The following PAX2 variants were observed in gnomAD, a reference collection of about 807,000 sequenced individuals.
PAX2 encodes the protein paired box 2, also known as paired box protein Pax-2.
A neutral mutation model predicts 41.7 loss-of-function variants in PAX2; 9 were observed. The ratio of observed to expected loss-of-function variants is 0.22; its 90% CI spans 0.13 to 0.38. PAX2 has a LOEUF of 0.38. Ranked by LOEUF, PAX2 falls within the 10% of genes least tolerant of loss-of-function variation. PAX2 has a pLI of 1.00. For missense variants in PAX2, 418 were observed against 531.6 expected, an observed-to-expected ratio of 0.79 and a Z score of 2.10; for synonymous variants, 221 against 212.7, an observed-to-expected ratio of 1.04 and a Z score of -0.34.
intron 5 of PAX2, among the ~76,000 whole-genome samples, chr10:100,789,847 T>C (rs538301787): frequency 9.2e-5 from 14 of 152,338 alleles, no homozygotes; most frequent in Admixed American, 7.8e-4. Context: ...CTGGGTAGAG[T>C]TGGCCGTGAG....
intron 7 of PAX2, among the ~76,000 whole-genome samples, chr10:100,823,625 G>A (rs1351755420): frequency 6.6e-6 from 1 of 152,188 alleles, no homozygotes; most frequent in Non-Finnish European, 1.5e-5. Context: ...TGGCTAGTGA[G>A]GAGAATAAGG....
intron 5 of PAX2, among the ~76,000 whole-genome samples, chr10:100,804,302 A>G (rs1180404152): frequency 1.3e-5 from 2 of 152,064 alleles, no homozygotes; most frequent in Non-Finnish European, 1.5e-5. Flanking sequence ...ACACAGACAC[A>G]GTGAGCCAAG....
chr10:100,742,115 C>T (rs1480468630), upstream of PAX2, among the ~76,000 whole-genome samples: 3 of 152,028 alleles, frequency 2.0e-5, no homozygotes, highest in African/African-American at 7.2e-5. Context: ...GGAGAGGCAA[C>T]CACGCTTCTG....
intron 3 of PAX2, among the ~76,000 whole-genome samples, chr10:100,774,615 C>G (rs1846320827): frequency 6.6e-6 from 1 of 152,136 alleles, no homozygotes; most frequent in Admixed American, 6.5e-5. Flanking sequence ...GCCTAGGGGT[C>G]ACCCATAGGA....
intron 1 of PAX2, chr10:100,747,790 C>T (rs1276001286): frequency 1.0e-6 from 1 of 984,926 alleles, no homozygotes; most frequent in Non-Finnish European, 1.2e-6. Flanking sequence ...CGGAAAGCCT[C>T]GGTCCTTTTC....
intron 3 of PAX2, among the ~76,000 whole-genome samples, chr10:100,773,910 C>T (rs948769624): frequency 6.6e-6 from 1 of 152,176 alleles, no homozygotes; most frequent in Non-Finnish European, 1.5e-5. Context: ...AGCCTGCACC[C>T]CAGCCTTGCC....
chr10:100,773,376 G>A (rs1846278777), intron 3 of PAX2, among the ~76,000 whole-genome samples: 1 of 152,266 alleles, frequency 6.6e-6, no homozygotes, highest in South Asian at 2.1e-4. Context: ...TCCTCCCAAG[G>A]TGAGCTGTCT....
intron 5 of PAX2, among the ~76,000 whole-genome samples, chr10:100,793,579 G>T (rs1321484878): frequency 6.6e-6 from 1 of 152,222 alleles, no homozygotes; most frequent in Non-Finnish European, 1.5e-5. Flanking sequence ...TATTCAAAGT[G>T]AGGAAAGTAA....
At chr10:100,735,742 G>C (rs933208347) in intron 1 of PAX2, 32 of 1,041,622 alleles carry the variant, frequency 3.1e-5, no homozygotes, top group Non-Finnish European at 3.1e-5. Flanking sequence ...AGGTAAGAGC[G>C]GCAGAGACCC....
chr10:100,749,652 C>T, intron 1 of PAX2, 94 bp from the exon 2 acceptor site: 1 of 1,534,854 alleles, frequency 6.5e-7, no homozygotes. Flanking sequence ...TCCGCCCTGC[C>T]TGCTTCCTTC....
At chr10:100,789,621 T>G (rs1847018988) in intron 5 of PAX2, among the ~76,000 whole-genome samples, 1 of 152,156 alleles carries the variant, frequency 6.6e-6, no homozygotes, top group South Asian at 2.1e-4. Context: ...ATTTTCCAAC[T>G]CATACCCAAA....
At chr10:100,765,774 C>T (rs939795340) in intron 3 of PAX2, among the ~76,000 whole-genome samples, 10 of 141,578 alleles carry the variant, frequency 7.1e-5, no homozygotes, top group African/African-American at 2.4e-4. Flanking sequence ...TTTTGCACTT[C>T]TCTGCTTAAA....
chr10:100,785,725 G>GC (rs993742669), intron 5 of PAX2, among the ~76,000 whole-genome samples: 3 of 152,198 alleles, frequency 2.0e-5, no homozygotes, highest in Non-Finnish European at 1.5e-5. Context: ...CTGGCTTGAG[G>GC]CAGCAGAAGG....
chr10:100,778,452 T>A (rs1368860835), intron 3 of PAX2, among the ~76,000 whole-genome samples: 1 of 152,172 alleles, frequency 6.6e-6, no homozygotes, highest in Non-Finnish European at 1.5e-5. Context: ...CTAGGGGCCT[T>A]ATCCCAACTG....
At position 100,767,991 on chromosome 10, in the gene PAX2, T is replaced by C. The variant is rs562581495; in HGVS notation, c.411-11507T>C. On this transcript the variant is annotated intron_variant, in intron 3 of 9. Coordinates refer to ENST00000355243, the MANE Select transcript of PAX2 (RefSeq NM_000278.5). ...ATTTAATAATTCTCTCATTTCCACA[T>C]CCCCCTCCCCCACCCCATCCTGGCC... is the stretch of plus-strand genomic sequence containing the variant. Among the ~76,000 whole-genome samples, 199 of 151,534 alleles carry C rather than the reference T, an allele frequency of 1.3e-3. 1 individual carries two copies. Among genetic ancestry groups the C allele is most frequent in the Middle Eastern group, 6.8e-3 (2 of 294 alleles).
chr10:100,795,261 A>G (rs1847280424), intron 5 of PAX2, among the ~76,000 whole-genome samples: 1 of 152,270 alleles, frequency 6.6e-6, no homozygotes, highest in Non-Finnish European at 1.5e-5. Flanking sequence ...CCTGCTATGT[A>G]CAAAGTATGG....
chr10:100,762,976 G>A (rs970747429), intron 3 of PAX2, among the ~76,000 whole-genome samples: 1 of 152,162 alleles, frequency 6.6e-6, no homozygotes, highest in Non-Finnish European at 1.5e-5. Flanking sequence ...GTAGGCAGTC[G>A]AGGATACAGC....
chr10:100,768,256 T>C (rs951083703), intron 3 of PAX2, among the ~76,000 whole-genome samples: 1 of 152,190 alleles, frequency 6.6e-6, no homozygotes, highest in Non-Finnish European at 1.5e-5. Context: ...GATCAATGCA[T>C]TGGAGCAGAC....
At position 100,745,803 on chromosome 10, in the gene PAX2, C is replaced by T. The variant is rs771039268; in HGVS notation, c.-458C>T. 5.2e-4 allele frequency: 569 copies of T among 1,084,074 alleles called. No homozygotes were observed. Among genetic ancestry groups the T allele is most frequent in the Non-Finnish European group, 5.8e-4 (518 of 892,806 alleles). The allele number at this position is 1,084,074 out of a possible 1,614,324, so 67.2% of individuals were successfully genotyped here. A position where few individuals can be genotyped will look rare whatever the true frequency, so the allele number is the denominator to read the frequency against. The stretch of plus-strand genomic sequence containing the variant: ...TCTGCCAACTTCGCCAACTCGCCAG[C>T]ACTTGGAGAGGCCCGGCTCCCCTCC... On this transcript the variant is annotated 5_prime_UTR_variant, in exon 1 of 10. Coordinates refer to ENST00000355243, the MANE Select transcript of PAX2 (RefSeq NM_000278.5).
Sources: allele counts gnomAD v4.1 joint callset (sites outside exome capture counted in the v4.1 genomes callset), GRCh38; gene constraint gnomAD v4.1.1; transcripts MANE v1.5; gene names NCBI Gene and HGNC (gene_info 2026-07-23, HGNC 2026-07-21).